The following FRMPD4 variants were observed in gnomAD, a reference collection of about 807,000 sequenced individuals.
FRMPD4 encodes the protein FERM and PDZ domain containing 4, also known as FERM and PDZ domain-containing protein 4.
A neutral mutation model predicts 94.1 loss-of-function variants in FRMPD4; 22 were observed. The ratio of observed to expected loss-of-function variants is 0.23; its 90% confidence interval spans 0.17 to 0.33. FRMPD4 has a LOEUF of 0.33. Ranked by LOEUF, FRMPD4 falls within the 10% of genes least tolerant of loss-of-function variation. The pLI is 1.00. For synonymous variants in FRMPD4, 631 were observed against 548.6 expected, an observed-to-expected ratio of 1.15 and a Z score of -2.10; for missense variants, 1,111 against 1,339.9, an observed-to-expected ratio of 0.83 and a Z score of 2.67.
chrX:12,473,091 C>T (rs1411068716), intron 1 of FRMPD4, among the ~76,000 whole-genome samples: 1 of 110,790 alleles, frequency 9.0e-6, no homozygotes, highest in African/African-American at 3.4e-5. Flanking sequence ...CAAAGGGAAG[C>T]CCATCAGACT....
chrX:12,022,342 C>T (rs148654395), intron 3 of FRMPD4, among the ~76,000 whole-genome samples: 187 of 111,955 alleles, frequency 1.7e-3, no homozygotes, highest in African/African-American at 5.8e-3. Context: ...AGGAAAGTTG[C>T]TGAGTTCACT....
intron 3 of FRMPD4, among the ~76,000 whole-genome samples, chrX:12,095,196 G>A (rs749041749): frequency 3.6e-4 from 40 of 110,564 alleles, no homozygotes; most frequent in African/African-American, 1.3e-3. Flanking sequence ...GGGTAATGTA[G>A]TGAGACCCTG....
intron 1 of FRMPD4, among the ~76,000 whole-genome samples, chrX:11,861,161 T>C (rs2053684512): frequency 9.0e-6 from 1 of 111,583 alleles, no homozygotes; most frequent in Non-Finnish European, 1.9e-5. Flanking sequence ...AAATTGACAC[T>C]GAGGTCTGAG....
Position 12,087,580 on chromosome X carries a change from A to G in FRMPD4, c.95+209562A>G, listed in dbSNP as rs751969787. On this transcript the variant is annotated intron_variant, in intron 3 of 18. Coordinates refer to the FRMPD4 transcript ENST00000640291. ...TGGCACCAGTATGCACTAAGCAGAA[A>G]GAGGTACAAAAGTCTTGTTCAAGGA... Among the ~76,000 whole-genome samples, 4 of 112,212 alleles carry G rather than the reference A, an allele frequency of 3.6e-5. No individual in the cohort carries two copies. In the South Asian group the frequency reaches 1.5e-3, roughly 42 times the overall value.
At chrX:12,026,383 T>C (rs1159692785) in intron 3 of FRMPD4, among the ~76,000 whole-genome samples, 2 of 111,723 alleles carry the variant, frequency 1.8e-5, no homozygotes, top group Admixed American at 1.9e-4. Flanking sequence ...CATCATGGAT[T>C]TTGCAATAAA....
At chrX:11,927,149 CAAAA>C in intron 3 of FRMPD4, among the ~76,000 whole-genome samples, 1 of 94,578 alleles carries the variant, frequency 1.1e-5, no homozygotes, top group Non-Finnish European at 2.1e-5. Context: ...ACAATTGCCA[CAAAA>C]AAAAAAAAGT....
intron 2 of FRMPD4, among the ~76,000 whole-genome samples, chrX:12,559,458 T>C (rs1025359350): frequency 9.0e-6 from 1 of 111,172 alleles, no homozygotes; most frequent in Admixed American, 9.6e-5. Context: ...GAGACAAGCC[T>C]GGCCAACATA....
intron 3 of FRMPD4, among the ~76,000 whole-genome samples, chrX:11,925,227 T>A (rs759389304): frequency 3.6e-5 from 4 of 110,719 alleles, no homozygotes; most frequent in African/African-American, 6.6e-5. Flanking sequence ...AATATATATA[T>A]GCACCCAACA....
intron 3 of FRMPD4, among the ~76,000 whole-genome samples, chrX:12,131,492 A>G (rs762592232): frequency 8.9e-6 from 1 of 112,270 alleles, no homozygotes; most frequent in East Asian, 2.8e-4. Flanking sequence ...CACTAAGAAA[A>G]GTTGAATGAT....
rs778165914 is a variant in FRMPD4 at position 12,678,623 on chromosome X, C to T, written c.468+3715C>T. ...GGCAGATCACCTGAGGTCGGGAGTT[C>T]GAGACCAGCCTGATCAACATGGAGA... is the stretch of plus-strand genomic sequence containing the variant. On this transcript the variant is annotated intron_variant, in intron 5 of 16. Coordinates refer to ENST00000675598, the MANE Select transcript of FRMPD4 (RefSeq NM_001368397.1). Among the ~76,000 whole-genome samples the T allele has an allele frequency of 7.4e-4, 82 of 111,438 alleles. 1 individual carries two copies. The highest frequency in any genetic ancestry group is 2.0e-3 in the African/African-American group (62 of 30,648).
intron 1 of FRMPD4, among the ~76,000 whole-genome samples, chrX:12,477,760 A>T (rs1007095219): frequency 1.8e-5 from 2 of 112,972 alleles, no homozygotes; most frequent in Non-Finnish European, 3.7e-5. Context: ...TAATGTGTGT[A>T]CATACCTATT....
At chrX:11,889,669 G>A (rs1177185335) in intron 3 of FRMPD4, among the ~76,000 whole-genome samples, 1 of 112,048 alleles carries the variant, frequency 8.9e-6, no homozygotes, top group East Asian at 2.8e-4. Context: ...GAATTTTGTG[G>A]ATGAGTTCAG....
chrX:12,203,378 G>T (rs947906396), intron 1 of FRMPD4, among the ~76,000 whole-genome samples: 1 of 111,708 alleles, frequency 9.0e-6, no homozygotes, highest in Non-Finnish European at 1.9e-5. Flanking sequence ...AACACTTAAT[G>T]GGGTCATTCT....
At chrX:12,488,783 T>C (rs1393940605) in intron 1 of FRMPD4, among the ~76,000 whole-genome samples, 1 of 111,780 alleles carries the variant, frequency 8.9e-6, no homozygotes. Context: ...ATTTTGGAGC[T>C]TGAAGGGACT....
chrX:12,131,975 T>C (rs987516197), intron 3 of FRMPD4, among the ~76,000 whole-genome samples: 1 of 112,178 alleles, frequency 8.9e-6, no homozygotes, highest in African/African-American at 3.2e-5. Flanking sequence ...TAAAACCAAC[T>C]TCTCTGGCTT....
At chrX:11,959,861 G>A (rs1435022486) in intron 3 of FRMPD4, among the ~76,000 whole-genome samples, 3 of 111,220 alleles carry the variant, frequency 2.7e-5, no homozygotes, top group Admixed American at 9.6e-5. Flanking sequence ...TATTTCTTAC[G>A]ATATAAATGC....
At chrX:12,514,015 G>A (rs768335416) in intron 2 of FRMPD4, among the ~76,000 whole-genome samples, 7 of 111,147 alleles carry the variant, frequency 6.3e-5, no homozygotes, top group Non-Finnish European at 1.3e-4. Context: ...TTGGCTCTCT[G>A]CTTGTCTGTT....
chrX:12,155,028 C>T (rs1392095102), intron 1 of FRMPD4, among the ~76,000 whole-genome samples: 1 of 111,851 alleles, frequency 8.9e-6, no homozygotes, highest in Non-Finnish European at 1.9e-5. Context: ...TAGAATTTTC[C>T]CTTAGAGAAT....
intron 2 of FRMPD4, among the ~76,000 whole-genome samples, chrX:12,584,662 T>G (rs2058905108): frequency 8.9e-6 from 1 of 112,279 alleles, no homozygotes; most frequent in African/African-American, 3.2e-5. Context: ...TTCGTCAATA[T>G]CTGAAAACAA....
Sources: allele counts gnomAD v4.1 joint callset (sites outside exome capture counted in the v4.1 genomes callset), GRCh38; gene constraint gnomAD v4.1.1; transcripts MANE v1.5; gene names NCBI Gene and HGNC (gene_info 2026-07-23, HGNC 2026-07-21).